CADM2: variants seen among roughly 807,000 people sequenced by gnomAD.
The protein encoded by CADM2 is cell adhesion molecule 2.
CADM2 carries 12 observed loss-of-function variants against 49.8 expected under a neutral mutation model. The observed-to-expected ratio is 0.24, with a 90% confidence interval of 0.15 to 0.39. The LOEUF (loss-of-function observed/expected upper bound fraction) is 0.39. CADM2 is among the 10% of genes least tolerant of loss of function. CADM2 has a pLI of 1.00. For synonymous variants in CADM2, 214 were observed against 175.4 expected, an observed-to-expected ratio of 1.22 and a Z score of -1.74; for missense variants, 378 against 492.3, an observed-to-expected ratio of 0.77 and a Z score of 2.20.
At chr3:86,021,578 A>T (rs180881349) in intron 8 of CADM2, among the ~76,000 whole-genome samples, 1 of 152,176 alleles carries the variant, frequency 6.6e-6, no homozygotes, top group Non-Finnish European at 1.5e-5. Flanking sequence ...TATGGTTTCA[A>T]GTAAATGATG....
chr3:85,895,019 C>T (rs549876856), intron 5 of CADM2, among the ~76,000 whole-genome samples: 3 of 152,308 alleles, frequency 2.0e-5, no homozygotes, highest in South Asian at 2.1e-4. Flanking sequence ...CAGAGAGTCC[C>T]GACTGAGGCA....
At chr3:85,424,516 G>A (rs958668929) in intron 1 of CADM2, among the ~76,000 whole-genome samples, 16 of 152,054 alleles carry the variant, frequency 1.1e-4, no homozygotes, top group Middle Eastern at 3.2e-3. Flanking sequence ...TGGCTCTCCT[G>A]TCATGTATTT....
chr3:85,078,843 C>T (rs945181849), intron 1 of CADM2, among the ~76,000 whole-genome samples: 2 of 151,808 alleles, frequency 1.3e-5, no homozygotes, highest in Non-Finnish European at 2.9e-5. Flanking sequence ...TTTCATGTCA[C>T]TCTTGCCGTA....
At chr3:85,716,191 C>A (rs1429814583) in intron 1 of CADM2, among the ~76,000 whole-genome samples, 1 of 152,158 alleles carries the variant, frequency 6.6e-6, no homozygotes, top group Non-Finnish European at 1.5e-5. Flanking sequence ...TTTTAATGAT[C>A]ACCATTCTAA....
At chr3:85,395,677 T>C (rs2107415365) in intron 1 of CADM2, among the ~76,000 whole-genome samples, 1 of 152,214 alleles carries the variant, frequency 6.6e-6, no homozygotes, top group East Asian at 1.9e-4. Flanking sequence ...ATTTCATATA[T>C]CATCTTGAAA....
chr3:85,948,606 C>A (rs1723026603), intron 7 of CADM2, among the ~76,000 whole-genome samples: 1 of 150,788 alleles, frequency 6.6e-6, no homozygotes, highest in African/African-American at 2.5e-5. Flanking sequence ...AAGAAATTTT[C>A]TTGCATTACA....
chr3:85,625,534 T>A (rs2107503523), intron 1 of CADM2, among the ~76,000 whole-genome samples: 1 of 151,918 alleles, frequency 6.6e-6, no homozygotes, highest in South Asian at 2.1e-4. Flanking sequence ...TTGAAAAAAG[T>A]ACTTATGCAC....
At chr3:85,891,091 T>C (rs1463902723) in intron 5 of CADM2, among the ~76,000 whole-genome samples, 2 of 152,192 alleles carry the variant, frequency 1.3e-5, no homozygotes, top group Non-Finnish European at 2.9e-5. Context: ...TTTTATCCCC[T>C]TTATGAGAGT....
intron 8 of CADM2, among the ~76,000 whole-genome samples, chr3:86,061,006 A>AATC (rs1738574139): frequency 1.3e-5 from 2 of 151,254 alleles, no homozygotes. Flanking sequence ...TAATAATAAT[A>AATC]ATAACAGCTT....
At chr3:84,999,257 G>T (rs564308718) in intron 1 of CADM2, among the ~76,000 whole-genome samples, 42 of 152,106 alleles carry the variant, frequency 2.8e-4, no homozygotes, top group African/African-American at 5.3e-4. Flanking sequence ...GAAAATACAG[G>T]GTTAGAATTC....
intron 1 of CADM2, among the ~76,000 whole-genome samples, chr3:85,689,880 T>C (rs2066330678): frequency 6.6e-6 from 1 of 152,138 alleles, no homozygotes; most frequent in African/African-American, 2.4e-5. Flanking sequence ...ATAAAGTTTT[T>C]TATGGAGTAG....
chr3:85,956,879 G>T (rs1383644200), intron 7 of CADM2, among the ~76,000 whole-genome samples: 1 of 151,516 alleles, frequency 6.6e-6, no homozygotes, highest in Non-Finnish European at 1.5e-5. Flanking sequence ...TGAGTATACG[G>T]AAGTGTATAA....
chr3:85,899,675 G>C (rs1013151361), intron 5 of CADM2, among the ~76,000 whole-genome samples: 1 of 152,140 alleles, frequency 6.6e-6, no homozygotes, highest in Non-Finnish European at 1.5e-5. Flanking sequence ...AGTGAGACCA[G>C]AACAGTATTT....
intron 1 of CADM2, among the ~76,000 whole-genome samples, chr3:85,469,459 G>C (rs2038670553): frequency 6.6e-6 from 1 of 152,052 alleles, no homozygotes; most frequent in African/African-American, 2.4e-5. Context: ...CCTCCAAATG[G>C]ACCCAATAGT....
At chr3:86,041,844 A>G (rs988528602) in intron 8 of CADM2, among the ~76,000 whole-genome samples, 2 of 152,220 alleles carry the variant, frequency 1.3e-5, no homozygotes, top group African/African-American at 4.8e-5. Context: ...AACACTCCTC[A>G]GCAAATGTAA....
intron 1 of CADM2, among the ~76,000 whole-genome samples, chr3:85,537,494 TTG>T (rs60728026): frequency 0.15 from 12,915 of 85,466 alleles, 990 homozygotes; most frequent in East Asian, 0.44. Flanking sequence ...GCATGGTTGT[TTG>T]TGTGTGTGTG....
intron 1 of CADM2, among the ~76,000 whole-genome samples, chr3:85,697,741 A>G (rs2066615310): frequency 6.6e-6 from 1 of 152,166 alleles, no homozygotes; most frequent in African/African-American, 2.4e-5. Flanking sequence ...ACAGTGTTCC[A>G]TTTCTTGGAT....
intron 1 of CADM2, among the ~76,000 whole-genome samples, chr3:85,196,181 C>A (rs1399898275): frequency 6.6e-6 from 1 of 151,696 alleles, no homozygotes; most frequent in African/African-American, 2.4e-5. Context: ...ACCTCCAGCT[C>A]GTCTTATGAC....
chr3:85,924,534 G>A (rs1450091810), intron 6 of CADM2, among the ~76,000 whole-genome samples: 1 of 151,892 alleles, frequency 6.6e-6, no homozygotes, highest in Admixed American at 6.6e-5. Flanking sequence ...TGAGGCTGCA[G>A]TGAGCCGAGA....
Sources: gnomAD v4.1 joint callset for allele counts (sites outside exome capture counted in the v4.1 genomes callset) on GRCh38, gnomAD v4.1.1 for gene constraint, MANE v1.5 for transcripts, NCBI Gene and HGNC (gene_info 2026-07-23, HGNC 2026-07-21) for gene names.